Variants in ZNF564 observed in about 807,000 individuals in gnomAD.
ZNF564 encodes zinc finger protein 564.
In ZNF564, 5 loss-of-function variants were observed where a neutral mutation model predicts 10.5. The ratio of observed to expected loss-of-function variants is 0.48; its 90% CI spans 0.25 to 1.00. ZNF564 has a LOEUF of 1.00. Ranked by LOEUF, ZNF564 falls within the 50% of genes least tolerant of loss-of-function variation. The probability of loss-of-function intolerance (pLI) is 0.16; values close to 1 mark genes in which losing one functional copy is unlikely to be tolerated. For missense variants in ZNF564, 603 were observed against 669.7 expected, an observed-to-expected ratio of 0.90 and a Z score of 1.10; for synonymous variants, 242 against 218.1, an observed-to-expected ratio of 1.11 and a Z score of -0.97.
intron 1 of ZNF564, among the ~76,000 whole-genome samples, chr19:12,539,707 G>C (rs1431584450): frequency 2.7e-5 from 4 of 150,556 alleles, no homozygotes; most frequent in African/African-American, 9.8e-5. Context: ...CAGGCGCAGT[G>C]GCTCACGCCT....
At chr19:12,528,741 C>G in intron 1 of ZNF564, 45 bp from the exon 2 acceptor site, 3 of 1,588,166 alleles carry the variant, frequency 1.9e-6, no homozygotes, top group Non-Finnish European at 2.6e-6. Flanking sequence ...AATGAGATGA[C>G]AGTACAGGGA....
intron 1 of ZNF564, 88 bp from the exon 2 acceptor site, chr19:12,528,784 C>T: frequency 2.8e-6 from 4 of 1,448,500 alleles, no homozygotes; most frequent in Non-Finnish European, 3.7e-6. Flanking sequence ...TCACAAATGG[C>T]TAGGTGTGGT....
intron 3 of ZNF564, 57 bp downstream of exon 3, chr19:12,528,247 A>G: frequency 6.7e-7 from 1 of 1,496,020 alleles, no homozygotes; most frequent in Non-Finnish European, 9.1e-7. Flanking sequence ...ACTTATTTTT[A>G]AAATTTCATG....
intron 1 of ZNF564, among the ~76,000 whole-genome samples, chr19:12,546,834 C>G (rs11666659): frequency 0.6 from 90,727 of 151,968 alleles, 28,445 homozygotes; most frequent in African/African-American, 0.7. Context: ...CAAAATATCT[C>G]TAAATCCAAC....
chr19:12,528,800 A>G, intron 1 of ZNF564, 104 bp from the exon 2 acceptor site: 1 of 1,325,322 alleles, frequency 7.5e-7, no homozygotes, highest in Non-Finnish European at 1.0e-6. Flanking sequence ...GTGGTGGCTC[A>G]TGCCTGTAAT....
At chr19:12,531,412 CA>C (rs1253456313) in intron 1 of ZNF564, among the ~76,000 whole-genome samples, 1 of 151,896 alleles carries the variant, frequency 6.6e-6, no homozygotes, top group Non-Finnish European at 1.5e-5. Context: ...ACTAAAAATA[CA>C]AAAATTAGCC....
rs376997794 is a variant in ZNF564, at chr19:12,526,509, G to C, written c.1599C>G (p.Tyr533Ter). The change falls in exon 4 of 4, where the codon TAC (tyrosine) becomes TAG (stop). Residue 533 changes from tyrosine to a stop codon, truncating the protein, a stop_gained. Transcript: ENST00000339282. LOFTEE classifies it low-confidence loss of function (END_TRUNC). ...ATGAAAGCTTTCCCACATTCTTTAC[G>C]TAAGGTTTATCTCCATTATGAGCTC... ...HERAHNGDKP[Y>*]VKNVGKLSFI... The C allele has an allele frequency of 2.5e-6, 4 of 1,607,990 alleles. No individual in the cohort carries two copies. The highest frequency in any genetic ancestry group is 2.7e-5 in the African/African-American group (2 of 74,400).
rs150932083 is a variant in ZNF564, at chr19:12,545,453, G to C, written c.3+5877C>G. Among the ~76,000 whole-genome samples the C allele has an allele frequency of 1.1e-3, 162 of 152,100 alleles. 1 individual carries two copies. Among genetic ancestry groups the C allele is most frequent in the African/African-American group, 3.7e-3 (154 of 41,478 alleles). ...ACACCCGAAGTGTAAACACCGACCAGTTCTAACAGCAGGTGTCTAACAGTT... is the reference window on the plus strand; with the variant it reads ...ACACCCGAAGTGTAAACACCGACCACTTCTAACAGCAGGTGTCTAACAGTT... On this transcript the variant is annotated intron_variant, in intron 1 of 3. Coordinates refer to ENST00000339282, the MANE Select transcript of ZNF564 (RefSeq NM_144976.4).
chr19:12,550,069 G>C (rs536471614), intron 1 of ZNF564, among the ~76,000 whole-genome samples: 3 of 151,898 alleles, frequency 2.0e-5, no homozygotes, highest in African/African-American at 7.3e-5. Context: ...GAGGCAGGCG[G>C]ATCACCTGAG....
chr19:12,543,694 A>C (rs1179842955), intron 1 of ZNF564, among the ~76,000 whole-genome samples: 3 of 151,740 alleles, frequency 2.0e-5, no homozygotes, highest in Non-Finnish European at 2.9e-5. Flanking sequence ...AAAAAAAAAA[A>C]AACAACTGAA....
intron 1 of ZNF564, among the ~76,000 whole-genome samples, chr19:12,544,363 G>A (rs929628229): frequency 2.6e-5 from 4 of 152,142 alleles, no homozygotes; most frequent in Non-Finnish European, 4.4e-5. Flanking sequence ...TCCACATAAT[G>A]TTGTGAATTC....
chr19:12,538,644 A>T (rs1281597363), intron 1 of ZNF564, among the ~76,000 whole-genome samples: 2 of 151,596 alleles, frequency 1.3e-5, no homozygotes, highest in South Asian at 2.1e-4. Context: ...AATAAATAAA[A>T]AATAAAAAAA....
Position 12,527,563 on chromosome 19 carries a change from G to C in ZNF564, c.545C>G (p.Pro182Arg), listed in dbSNP as rs749478225. 11 of 1,614,062 alleles carry C rather than the reference G, an allele frequency of 6.8e-6. No individual in the cohort carries two copies. Among genetic ancestry groups the C allele is most frequent in the Non-Finnish European group, 9.3e-6 (11 of 1,179,990 alleles). ...PECGKAFISL[P>R]SVRRHMIKHT... ...CTTAATCATGTGTCTTCGAACACTT[G>C]GGAGAGAAATGAAGGCTTTCCCACA... The change falls in exon 4 of 4, where the codon CCA becomes CGA. Residue 182 changes from proline (P) to arginine (R), a missense_variant. Physicochemically the swap from Pro to Arg is moderately radical, Grantham distance 103 (BLOSUM62 -2). Coordinates refer to ENST00000339282, the MANE Select transcript of ZNF564 (RefSeq NM_144976.4).
intron 1 of ZNF564, among the ~76,000 whole-genome samples, chr19:12,537,266 C>G (rs1032465622): frequency 6.6e-6 from 1 of 152,110 alleles, no homozygotes; most frequent in Non-Finnish European, 1.5e-5. Context: ...ATTCGACCAC[C>G]CTCTGATCAT....
chr19:12,526,496 C>G lies in ZNF564; in HGVS notation c.1612G>C (p.Gly538Arg), dbSNP rs370082812. The G allele has an allele frequency of 4.0e-5, 64 of 1,607,970 alleles. No homozygotes were observed. Among genetic ancestry groups the G allele is most frequent in the Non-Finnish European group, 5.3e-5 (63 of 1,178,140 alleles). The change falls in exon 4 of 4, where the codon GGA (glycine) becomes CGA (arginine). Residue 538 changes from glycine to arginine, a missense_variant. Gly to Arg is a moderately radical substitution (Grantham distance 125). Coordinates refer to ENST00000339282, the MANE Select transcript of ZNF564 (RefSeq NM_144976.4). ...GGTTGTGTGATAAATGAAAGCTTTC[C>G]CACATTCTTTACGTAAGGTTTATCT... The part of the protein sequence containing the change: ...NGDKPYVKNV[G>R]KLSFITQPSN...
intron 1 of ZNF564, among the ~76,000 whole-genome samples, chr19:12,537,297 T>G (rs1009620253): frequency 1.3e-5 from 2 of 152,228 alleles, no homozygotes; most frequent in Admixed American, 1.3e-4. Flanking sequence ...ATTAGGTCTA[T>G]GATGGTTAGG....
chr19:12,526,500 A>G lies in ZNF564; in HGVS notation c.1608T>C (p.Asn536=). The G allele has an allele frequency of 6.2e-7, 1 of 1,608,436 alleles. No homozygotes were observed. The change falls in exon 4 of 4, where the codon AAT becomes AAC. Residue 536 remains asparagine, a synonymous_variant. Coordinates refer to ENST00000339282, the MANE Select transcript of ZNF564 (RefSeq NM_144976.4). ...AHNGDKPYVK[N]VGKLSFITQP... The stretch of plus-strand genomic sequence containing the variant: ...GTGTGATAAATGAAAGCTTTCCCAC[A>G]TTCTTTACGTAAGGTTTATCTCCAT...
chr19:12,551,281 C>A (rs1393381109), intron 1 of ZNF564, 49 bp downstream of exon 1: 36 of 1,589,708 alleles, frequency 2.3e-5, no homozygotes, highest in Non-Finnish European at 2.9e-5. Flanking sequence ...CCGGCCGGTT[C>A]CCACAAGCCC....
rs967078063 is a variant in ZNF564 at position 12,525,904 on chromosome 19, A to G, written c.*542T>C. Reference sequence around the variant, plus strand: ...TCTAGGGATTCCTATCAGGAAACTAATCCCAATTACAAGGCCTCCATCTTC... The same window carrying G: ...TCTAGGGATTCCTATCAGGAAACTAGTCCCAATTACAAGGCCTCCATCTTC... On this transcript the variant is annotated 3_prime_UTR_variant, in exon 4 of 4. Coordinates refer to ENST00000339282, the MANE Select transcript of ZNF564 (RefSeq NM_144976.4). The G allele has an allele frequency of 2.6e-5, 4 of 153,124 alleles. No individual in the cohort carries two copies. The highest frequency in any genetic ancestry group is 5.8e-5 in the Non-Finnish European group (4 of 68,810). The allele number at this position is 153,124 out of a possible 1,614,324, so 9.5% of individuals were successfully genotyped here.
Sources: gnomAD v4.1 joint callset for allele counts (sites outside exome capture counted in the v4.1 genomes callset) on GRCh38, gnomAD v4.1.1 for gene constraint, MANE v1.5 for transcripts, NCBI Gene and HGNC (gene_info 2026-07-23, HGNC 2026-07-21) for gene names.